The following TOM1L2 variants were observed in gnomAD, a reference collection of about 807,000 sequenced individuals.
The protein encoded by TOM1L2 is target of myb1 like 2 membrane trafficking protein, also known as TOM1-like protein 2.
TOM1L2 carries 31 observed loss-of-function variants against 67.9 expected under a neutral mutation model. That is an observed-to-expected ratio of 0.46 (90% confidence interval 0.34 to 0.62). The LOEUF (loss-of-function observed/expected upper bound fraction) is 0.62. TOM1L2 is among the 20% of genes least tolerant of loss of function. The pLI, the probability that TOM1L2 is intolerant of heterozygous loss-of-function variation, is 0.01. For synonymous variants in TOM1L2, 256 were observed against 254.0 expected (o/e 1.01, Z -0.07); for missense variants, 606 against 663.5 (o/e 0.91, Z 0.95).
At chr17:17,908,402 T>C (rs1297836782) in intron 1 of TOM1L2, among the ~76,000 whole-genome samples, 1 of 152,194 alleles carries the variant, frequency 6.6e-6, no homozygotes, top group Non-Finnish European at 1.5e-5. Context: ...TTGGCAATCA[T>C]CTCATGGATA....
At chr17:17,958,669 C>T (rs977939425) in intron 1 of TOM1L2, among the ~76,000 whole-genome samples, 1 of 152,212 alleles carries the variant, frequency 6.6e-6, no homozygotes, top group Non-Finnish European at 1.5e-5. Context: ...AAGTCTCCTA[C>T]TGTGATACAG....
chr17:17,862,765 T>C lies in TOM1L2; in HGVS notation c.1168A>G (p.Thr390Ala). The C allele has an allele frequency of 6.2e-7, 1 of 1,613,922 alleles. No individual in the cohort carries two copies. The highest frequency in any genetic ancestry group is 1.1e-5 in the South Asian group (1 of 91,072). ...PRDGFDMFAQ[T>A]RGNSLAEQRK... ...TGCTCAGCCAAGGAGTTTCCTCTCG[T>C]CTGGGCAAACATGTCAAAGCCGTCA... The change falls in exon 11 of 15, where the codon ACG (threonine) becomes GCG (alanine). Residue 390 changes from threonine to alanine, a missense_variant. By Grantham distance (58) the Thr-to-Ala change is moderately conservative. This residue lies in a region of TOM1L2 where 543 missense variants were observed against 554.0 expected (regional missense o/e 0.98). Transcript: ENST00000379504.
chr17:17,966,757 C>G (rs932921614), intron 1 of TOM1L2, among the ~76,000 whole-genome samples: 1 of 152,174 alleles, frequency 6.6e-6, no homozygotes, highest in African/African-American at 2.4e-5. Context: ...TGATAACACC[C>G]AAATAGTTAA....
chr17:17,873,197 C>A (rs2037242844), intron 7 of TOM1L2, among the ~76,000 whole-genome samples: 1 of 152,186 alleles, frequency 6.6e-6, no homozygotes, highest in Admixed American at 6.5e-5. Flanking sequence ...AGTATTTTGT[C>A]ATAAAAATTT....
intron 1 of TOM1L2, among the ~76,000 whole-genome samples, chr17:17,912,643 G>A (rs1289071077): frequency 6.7e-6 from 1 of 150,050 alleles, no homozygotes; most frequent in Admixed American, 6.6e-5. Context: ...CCGGGAAGAG[G>A]CGCTCCTCAC....
intron 4 of TOM1L2, among the ~76,000 whole-genome samples, chr17:17,886,243 T>G (rs1311195721): frequency 1.3e-5 from 2 of 152,256 alleles, no homozygotes; most frequent in Non-Finnish European, 2.9e-5. Context: ...TAATTATGAC[T>G]GATGCATCTC....
At chr17:17,927,541 C>T (rs1038753109) in intron 1 of TOM1L2, among the ~76,000 whole-genome samples, 7 of 152,202 alleles carry the variant, frequency 4.6e-5, no homozygotes, top group South Asian at 2.1e-4. Context: ...CATTTGGCCT[C>T]GTGAGAATGG....
At chr17:17,947,671 A>G (rs2041010297) in intron 1 of TOM1L2, among the ~76,000 whole-genome samples, 1 of 152,216 alleles carries the variant, frequency 6.6e-6, no homozygotes, top group African/African-American at 2.4e-5. Flanking sequence ...TAGCCCTAGC[A>G]AACGTCTCAT....
At chr17:17,971,512 T>G (rs2042083966) in intron 1 of TOM1L2, among the ~76,000 whole-genome samples, 1 of 151,928 alleles carries the variant, frequency 6.6e-6, no homozygotes, top group South Asian at 2.1e-4. Flanking sequence ...CACAGCTGAG[T>G]TGCAGCTCAA....
chr17:17,908,908 C>T (rs1003134686), intron 1 of TOM1L2, among the ~76,000 whole-genome samples: 6 of 152,144 alleles, frequency 3.9e-5, no homozygotes, highest in East Asian at 3.8e-4. Context: ...CCCAGCCAGG[C>T]GCGGTGGCTC....
At chr17:17,912,737 G>A (rs2039444166) in intron 1 of TOM1L2, among the ~76,000 whole-genome samples, 1 of 150,936 alleles carries the variant, frequency 6.6e-6, no homozygotes. Flanking sequence ...TCACATCCCA[G>A]ACGATGGGCG....
chr17:17,934,401 T>C, intron 1 of TOM1L2, among the ~76,000 whole-genome samples: 1 of 152,092 alleles, frequency 6.6e-6, no homozygotes, highest in Admixed American at 6.6e-5. Flanking sequence ...AGCTATGATG[T>C]CATTAAATCC....
intron 10 of TOM1L2, among the ~76,000 whole-genome samples, chr17:17,864,576 A>C (rs1319907230): frequency 1.3e-5 from 2 of 150,654 alleles, no homozygotes; most frequent in Admixed American, 6.6e-5. Flanking sequence ...CAGTGGCACA[A>C]TCTCGGCTCA....
intron 6 of TOM1L2, among the ~76,000 whole-genome samples, chr17:17,881,971 C>T (rs2037749473): frequency 6.6e-6 from 1 of 151,386 alleles, no homozygotes; most frequent in African/African-American, 2.4e-5. Flanking sequence ...GTTTTTTTTT[C>T]CCCCAAGTCT....
intron 7 of TOM1L2, among the ~76,000 whole-genome samples, chr17:17,875,149 C>T (rs757857259): frequency 1.3e-5 from 2 of 151,606 alleles, no homozygotes; most frequent in South Asian, 2.1e-4. Context: ...CCCAGCTACT[C>T]GGGAGGCTGA....
At chr17:17,872,469 G>A (rs1376624150) in intron 7 of TOM1L2, among the ~76,000 whole-genome samples, 3 of 152,152 alleles carry the variant, frequency 2.0e-5, no homozygotes, top group South Asian at 2.1e-4. Context: ...CCAACACTTG[G>A]GCAGTAGATT....
intron 2 of TOM1L2, among the ~76,000 whole-genome samples, chr17:17,903,905 A>T (rs1355126490): frequency 6.7e-6 from 1 of 149,880 alleles, no homozygotes; most frequent in East Asian, 2.0e-4. Context: ...ACAGCAGGTC[A>T]GAGGCCTTCA....
In TOM1L2 at chr17:17,843,741, T is replaced by C. The variant is rs2035502047; in HGVS notation, c.*3894A>G. ...ACATTCAACACATTCCTCTTTTCAG[T>C]AGCCCCCAACAATCCTGAGAATCCT... On this transcript the variant is annotated 3_prime_UTR_variant, in exon 15 of 15. Coordinates refer to ENST00000379504, the MANE Select transcript of TOM1L2 (RefSeq NM_001082968.2). The C allele has an allele frequency of 6.6e-6, 1 of 152,520 alleles. No individual in the cohort carries two copies. The highest frequency in any genetic ancestry group is 2.4e-5 in the African/African-American group (1 of 41,460). The allele number at this position is 152,520 out of a possible 1,614,324, so 9.4% of individuals were successfully genotyped here. A position where few individuals can be genotyped will look rare whatever the true frequency, so the allele number is the denominator to read the frequency against.
At chr17:17,939,059 A>G (rs976786902) in intron 1 of TOM1L2, among the ~76,000 whole-genome samples, 1 of 152,206 alleles carries the variant, frequency 6.6e-6, no homozygotes, top group Admixed American at 6.5e-5. Context: ...ATGGGATGAA[A>G]AGGATAAAAT....
Sources: allele counts gnomAD v4.1 joint callset (sites outside exome capture counted in the v4.1 genomes callset), GRCh38; gene constraint gnomAD v4.1.1; regional missense constraint gnomAD v4.1.1; transcripts MANE v1.5; gene names NCBI Gene and HGNC (gene_info 2026-07-23, HGNC 2026-07-21).